The following PATE2 variants were observed in gnomAD, a reference collection of about 807,000 sequenced individuals.
PATE2 encodes prostate and testis expressed 2.
Under a neutral mutation model 10.5 loss-of-function variants are expected in PATE2, and 7 were observed. The observed-to-expected ratio is 0.66, with a 90% CI of 0.38 to 1.25. The LOEUF (loss-of-function observed/expected upper bound fraction) is 1.25, where lower values mean the gene tolerates loss of function less well. PATE2 is among the 50% of genes most tolerant of loss of function. The pLI is 0.02. For missense variants in PATE2, 133 were observed against 135.4 expected (o/e 0.98, Z 0.09); for synonymous variants, 44 against 46.9 (o/e 0.94, Z 0.25).
Position 125,777,964 on chromosome 11 carries a change from G to GATGAT in PATE2, c.110_114dup (p.Leu39IlefsTer10), listed in dbSNP as rs1271140022. The GATGAT allele has an allele frequency of 5.0e-6, 8 of 1,613,122 alleles. No homozygotes were observed. The highest frequency in any genetic ancestry group is 1.7e-4 in the Middle Eastern group (1 of 6,054). Reference sequence around the variant, plus strand: ...GTCATGACACCATAGCATAACCCAAGATGATATTTTTTACATTCATAACAC... The same window carrying GATGAT: ...GTCATGACACCATAGCATAACCCAAGATGATATGATATTTTTTACATTCATAACAC... On this transcript the variant is annotated frameshift_variant, in exon 3 of 4. Transcript: ENST00000358524. LOFTEE classifies it high-confidence loss of function.
rs369409190 is a variant in PATE2 at position 125,778,688 on chromosome 11, A to C, written c.52+34T>G. On this transcript the variant is annotated intron_variant, in intron 1 of 3. Coordinates refer to ENST00000358524, the MANE Select transcript of PATE2 (RefSeq NM_212555.3). The stretch of plus-strand genomic sequence containing the variant: ...CCCAGCATCTGTCCGTCTCTTAACC[A>C]ACCACCAGCTTCCCCTCTGTCTCCA... 579 of 1,613,334 alleles carry C rather than the reference A, an allele frequency of 3.6e-4. 1 individual carries two copies. The highest frequency in any genetic ancestry group is 4.6e-4 in the Non-Finnish European group (544 of 1,179,620).
rs1346925154 is a variant in PATE2 at position 125,777,483 on chromosome 11, T to C, written c.241A>G (p.Met81Val). The change falls in exon 4 of 4, where the codon ATG (methionine) becomes GTG (valine). Residue 81 changes from methionine to valine, a missense_variant. Met to Val is a conservative substitution (Grantham distance 21). Transcript: ENST00000358524. The part of the protein sequence containing the change: ...SMYHYSKLSC[M>V]TSCEDINFLG... Reference sequence around the variant, plus strand: ...AAGTTGATGTCCTCACAGCTGGTCATACACGACAGTTTTGAATAATGATAC... The same window carrying C: ...AAGTTGATGTCCTCACAGCTGGTCACACACGACAGTTTTGAATAATGATAC... 6.2e-7 allele frequency: 1 copy of C among 1,613,740 alleles called. No individual in the cohort carries two copies. Among genetic ancestry groups the C allele is most frequent in the South Asian group, 1.1e-5 (1 of 91,064 alleles).
In PATE2 at chr11:125,776,282, A is replaced by C. The variant is rs904803195; in HGVS notation, c.*1100T>G. 3.9e-5 allele frequency: 6 copies of C among 152,176 alleles called. No homozygotes were observed. Among genetic ancestry groups the C allele is most frequent in the Non-Finnish European group, 7.3e-5 (5 of 68,056 alleles). 9.4% of individuals were successfully genotyped at this position (152,176 alleles called of 1,614,324 possible). The stretch of plus-strand genomic sequence containing the variant: ...TGTGCCATGGTGGTTTGCTGCACCC[A>C]TCAACCCGTCATCTAGGGTGCAGTC... On this transcript the variant is annotated 3_prime_UTR_variant, in exon 4 of 4. Transcript: ENST00000358524.
rs200447620 is a variant in PATE2, at chr11:125,777,412, A to G, written c.312T>C (p.Ser104=). ...CTCCCTCAGGGAGGTTGCAGTAGTT[A>G]CTATGATCACAACAGATGAGCTCTA... The part of the protein sequence containing the change: ...KRVELICCDH[S]NYCNLPEGV Residue 104 remains serine (S), a synonymous_variant, in exon 4 of 4, where the codon AGT becomes AGC. Coordinates refer to ENST00000358524, the MANE Select transcript of PATE2 (RefSeq NM_212555.3). 3.2e-5 allele frequency: 51 copies of G among 1,613,742 alleles called. No individual in the cohort carries two copies. The highest frequency in any genetic ancestry group is 4.0e-5 in the Non-Finnish European group (47 of 1,179,770).
In PATE2 at chr11:125,777,479, G is replaced by T. The variant is rs767444061; in HGVS notation, c.245C>A (p.Thr82Asn). 4 of 1,613,702 alleles carry T rather than the reference G, an allele frequency of 2.5e-6. No homozygotes were observed. In the South Asian group the frequency reaches 4.4e-5, roughly 18 times the overall value. The change falls in exon 4 of 4, where the codon ACC becomes AAC. Residue 82 changes from threonine (T) to asparagine (N), a missense_variant. Physicochemically the swap from Thr to Asn is moderately conservative, Grantham distance 65. Coordinates refer to ENST00000358524, the MANE Select transcript of PATE2 (RefSeq NM_212555.3). ...MYHYSKLSCM[T>N]SCEDINFLGF... The stretch of plus-strand genomic sequence containing the variant: ...CAGGAAGTTGATGTCCTCACAGCTG[G>T]TCATACACGACAGTTTTGAATAATG...
chr11:125,777,293 A>G lies in PATE2; in HGVS notation c.*89T>C. ...TGGCTTTCTCACTCTCTACCAATGC[A>G]TAGAAGAGGAGAGCAAAATTCAGGT... On this transcript the variant is annotated 3_prime_UTR_variant, in exon 4 of 4. Coordinates refer to ENST00000358524, the MANE Select transcript of PATE2 (RefSeq NM_212555.3). 1 of 1,460,622 alleles carries G rather than the reference A, an allele frequency of 6.8e-7. No homozygotes were observed. The highest frequency in any genetic ancestry group is 9.4e-7 in the Non-Finnish European group (1 of 1,061,870). 90.5% of individuals were successfully genotyped at this position (1,460,622 alleles called of 1,614,324 possible). A position where few individuals can be genotyped will look rare whatever the true frequency, so the allele number is the denominator to read the frequency against.
At chr11:125,778,642 A>G in intron 1 of PATE2, 67 bp from the exon 2 acceptor site, 7 of 1,612,060 alleles carry the variant, frequency 4.3e-6, no homozygotes, top group South Asian at 2.2e-5. Flanking sequence ...CCAAGAGCCA[A>G]TTTTGAAAAC....
intron 2 of PATE2, 127 bp from the exon 3 acceptor site, chr11:125,778,129 G>C: frequency 1.0e-6 from 1 of 967,262 alleles, no homozygotes; most frequent in African/African-American, 1.6e-5. Context: ...ATGGACTCTT[G>C]GTAATCTTGA....
chr11:125,777,548 C>T, intron 3 of PATE2, 30 bp from the exon 4 acceptor site: 1 of 1,612,142 alleles, frequency 6.2e-7, no homozygotes, highest in African/African-American at 1.3e-5. Context: ...GAAATATGAT[C>T]ATAATGACCT....
Position 125,777,136 on chromosome 11 carries a change from G to A in PATE2, c.*246C>T, listed in dbSNP as rs1018776912. The A allele has an allele frequency of 1.6e-5, 7 of 440,662 alleles. No homozygotes were observed. The highest frequency in any genetic ancestry group is 2.5e-5 in the Non-Finnish European group (6 of 243,304). The allele number at this position is 440,662 out of a possible 1,614,324, so 27.3% of individuals were successfully genotyped here. A position where few individuals can be genotyped will look rare whatever the true frequency, so the allele number is the denominator to read the frequency against. On this transcript the variant is annotated 3_prime_UTR_variant, in exon 4 of 4. Transcript: ENST00000358524. ...CTGAGCTTATTCATGGCAGTATCAC[G>A]TAAGGAGAGCAAAACCCCTCCCACC...
At position 125,777,266 on chromosome 11, in the gene PATE2, G is replaced by T; in HGVS notation, c.*116C>A. The T allele has an allele frequency of 7.9e-7, 1 of 1,266,586 alleles. No homozygotes were observed. Among genetic ancestry groups the T allele is most frequent in the South Asian group, 1.5e-5 (1 of 67,834 alleles). 78.5% of individuals were successfully genotyped at this position (1,266,586 alleles called of 1,614,324 possible). ...ATGCCTGCTTGTCTTTTCACTATGA[G>T]CTGGCTTTCTCACTCTCTACCAATG... On this transcript the variant is annotated 3_prime_UTR_variant, in exon 4 of 4. Coordinates refer to ENST00000358524, the MANE Select transcript of PATE2 (RefSeq NM_212555.3).
In PATE2 at chr11:125,777,246, T is replaced by C. The variant is rs1943492907; in HGVS notation, c.*136A>G. The stretch of plus-strand genomic sequence containing the variant: ...TGTCCACACTGCGTCTCCTTATGCC[T>C]GCTTGTCTTTTCACTATGAGCTGGC... On this transcript the variant is annotated 3_prime_UTR_variant, in exon 4 of 4. Coordinates refer to ENST00000358524, the MANE Select transcript of PATE2 (RefSeq NM_212555.3). The C allele has an allele frequency of 1.9e-6, 2 of 1,069,192 alleles. No individual in the cohort carries two copies. Among genetic ancestry groups the C allele is most frequent in the Admixed American group, 5.0e-5 (2 of 40,108 alleles). The allele number at this position is 1,069,192 out of a possible 1,614,324, so 66.2% of individuals were successfully genotyped here. A position where few individuals can be genotyped will look rare whatever the true frequency, so the allele number is the denominator to read the frequency against.
Position 125,776,494 on chromosome 11 carries a change from T to A in PATE2, c.*888A>T, listed in dbSNP as rs1222586167. 6.6e-6 allele frequency: 1 copy of A among 152,414 alleles called. No individual in the cohort carries two copies. Among genetic ancestry groups the A allele is most frequent in the East Asian group, 1.9e-4 (1 of 5,178 alleles). 9.4% of individuals were successfully genotyped at this position (152,414 alleles called of 1,614,324 possible). ...CTTTCTCACACTTTCTGCAAACTCA[T>A]AACTTCCTCTTACACAGGGCACTCT... On this transcript the variant is annotated 3_prime_UTR_variant, in exon 4 of 4. Coordinates refer to ENST00000358524, the MANE Select transcript of PATE2 (RefSeq NM_212555.3).
chr11:125,777,477 T>C lies in PATE2; in HGVS notation c.247A>G (p.Ser83Gly). 5 of 1,613,800 alleles carry C rather than the reference T, an allele frequency of 3.1e-6. No individual in the cohort carries two copies. The highest frequency in any genetic ancestry group is 4.2e-6 in the Non-Finnish European group (5 of 1,179,810). ...YHYSKLSCMT[S>G]CEDINFLGFT... is the part of the protein sequence containing the mutation. The stretch of plus-strand genomic sequence containing the variant: ...CCCAGGAAGTTGATGTCCTCACAGC[T>C]GGTCATACACGACAGTTTTGAATAA... Residue 83 changes from serine (S) to glycine (G), a missense_variant, in exon 4 of 4, where the codon AGC (serine) becomes GGC (glycine). Ser to Gly is a moderately conservative substitution (Grantham distance 56). Transcript: ENST00000358524.
intron 2 of PATE2, 40 bp from the exon 3 acceptor site, chr11:125,778,042 T>A: frequency 1.2e-6 from 2 of 1,604,338 alleles, no homozygotes; most frequent in Non-Finnish European, 1.7e-6. Context: ...GATGCAGTCT[T>A]GAGAATATTC....
chr11:125,777,168 C>A lies in PATE2; in HGVS notation c.*214G>T. On this transcript the variant is annotated 3_prime_UTR_variant, in exon 4 of 4. Coordinates refer to ENST00000358524, the MANE Select transcript of PATE2 (RefSeq NM_212555.3). ...GAGCAAAACCCCTCCCACCTGTTAG[C>A]GACAGGGATGTGCAAAGAGTGAGTC... 2.0e-6 allele frequency: 1 copy of A among 502,298 alleles called. No homozygotes were observed. The highest frequency in any genetic ancestry group is 3.5e-6 in the Non-Finnish European group (1 of 286,094). 31.1% of individuals were successfully genotyped at this position (502,298 alleles called of 1,614,324 possible).
chr11:125,777,425 C>G lies in PATE2; in HGVS notation c.299G>C (p.Cys100Ser). Residue 100 changes from cysteine to serine, a missense_variant, in exon 4 of 4, where the codon TGT becomes TCT. Coordinates refer to ENST00000358524, the MANE Select transcript of PATE2 (RefSeq NM_212555.3). Reference protein sequence around the residue: ...LGFTKRVELICCDHSNYCNLP... With the variant: ...LGFTKRVELISCDHSNYCNLP... ...GTTGCAGTAGTTACTATGATCACAA[C>G]AGATGAGCTCTACCCTCTTCGTGAA... The G allele has an allele frequency of 6.2e-7, 1 of 1,613,766 alleles. No individual in the cohort carries two copies. Among genetic ancestry groups the G allele is most frequent in the Non-Finnish European group, 8.5e-7 (1 of 1,179,812 alleles).
chr11:125,778,416 T>G (rs1233892739), intron 2 of PATE2, 136 bp downstream of exon 2: 2 of 945,476 alleles, frequency 2.1e-6, no homozygotes, highest in East Asian at 4.8e-5. Flanking sequence ...AAAACAGGTC[T>G]GGCAGGAGGC....
chr11:125,777,030 C>CAAT lies in PATE2; in HGVS notation c.*351_*352insATT. ...TGTGTAGATGAGGATAGAGGATAGT[C>CAAT]ACAGAATTCTCAGTACAAATTGGAG... On this transcript the variant is annotated 3_prime_UTR_variant, in exon 4 of 4. Coordinates refer to ENST00000358524, the MANE Select transcript of PATE2 (RefSeq NM_212555.3). The CAAT allele has an allele frequency of 5.6e-6, 1 of 178,172 alleles. No homozygotes were observed. Among genetic ancestry groups the CAAT allele is most frequent in the Non-Finnish European group, 1.2e-5 (1 of 84,396 alleles). 11.0% of individuals were successfully genotyped at this position (178,172 alleles called of 1,614,324 possible). A position where few individuals can be genotyped will look rare whatever the true frequency, so the allele number is the denominator to read the frequency against.
Sources: allele counts gnomAD v4.1 joint callset, GRCh38; gene constraint gnomAD v4.1.1; transcripts MANE v1.5; gene names NCBI Gene and HGNC (gene_info 2026-07-23, HGNC 2026-07-21).